The following UROD variants were observed in gnomAD, a reference collection of about 807,000 sequenced individuals.
The protein encoded by UROD is uroporphyrinogen III decarboxylase.
In UROD, 34 loss-of-function variants were observed where a neutral mutation model predicts 47.1. The observed-to-expected ratio is 0.72, with a 90% CI of 0.55 to 0.96. The LOEUF (loss-of-function observed/expected upper bound fraction) is 0.96. UROD is among the 40% of genes least tolerant of loss of function. UROD has a pLI of 0.00. For synonymous variants in UROD, 148 were observed against 175.8 expected, an observed-to-expected ratio of 0.84 and a Z score of 1.25; for missense variants, 381 against 471.8, an observed-to-expected ratio of 0.81 and a Z score of 1.78.
At chr1:45,012,433 T>C in intron 1 of UROD, 148 bp downstream of exon 1, 2 of 1,192,572 alleles carry the variant, frequency 1.7e-6, no homozygotes, top group Non-Finnish European at 2.5e-6. Flanking sequence ...CCTAAAACCA[T>C]GGATTTTTGA....
intron 7 of UROD, 72 bp downstream of exon 7, chr1:45,014,648 T>G: frequency 1.2e-6 from 2 of 1,613,576 alleles, no homozygotes; most frequent in Non-Finnish European, 1.7e-6. Flanking sequence ...TGGACTGGAG[T>G]GACCACTGGA....
rs1644833892 is a variant in UROD at position 45,014,649 on chromosome 1, G to T, written c.774+73G>T. The T allele has an allele frequency of 9.3e-6, 15 of 1,613,484 alleles. No homozygotes were observed. The South Asian group carries it at 1.6e-4, about 18-fold the overall frequency. ...GGCTAAGTCCTGCATGGACTGGAGT[G>T]ACCACTGGAGGGCAGCAGAAGTACA... On this transcript the variant is annotated intron_variant, in intron 7 of 9. Coordinates refer to ENST00000246337, the MANE Select transcript of UROD (RefSeq NM_000374.5).
Position 45,013,598 on chromosome 1 carries a change from T to G in UROD, c.281T>G (p.Leu94Arg). The change falls in exon 5 of 10, where the codon CTG becomes CGG. Residue 94 changes from leucine to arginine, a missense_variant. Leu to Arg is a moderately radical substitution (Grantham distance 102). Coordinates refer to ENST00000246337, the MANE Select transcript of UROD (RefSeq NM_000374.5). The surrounding 1 kb of genome is among the most constrained non-coding windows in gnomAD (Gnocchi z 4.2). Reference protein sequence around the residue: ...FSDILVVPQALGMEVTMVPGK... With the variant: ...FSDILVVPQARGMEVTMVPGK... ...AGATGTTTTCTCCCCCTCCAGGCAC[T>G]GGGCATGGAGGTGACCATGGTACCT... 1.2e-6 allele frequency: 2 copies of G among 1,614,124 alleles called. No individual in the cohort carries two copies. Among genetic ancestry groups the G allele is most frequent in the Non-Finnish European group, 1.7e-6 (2 of 1,180,010 alleles).
chr1:45,015,121 C>T (rs1644839177), intron 9 of UROD, 115 bp downstream of exon 9: 3 of 1,539,118 alleles, frequency 1.9e-6, no homozygotes, highest in South Asian at 2.3e-5. Context: ...CTACTCTGTA[C>T]AACATAAGCC....
chr1:45,012,575 G>A (rs1644810376), intron 1 of UROD: 9 of 617,234 alleles, frequency 1.5e-5, no homozygotes, highest in South Asian at 1.4e-4. Flanking sequence ...AACCAGCCCA[G>A]TGACATTCCC....
chr1:45,012,789 A>G (rs926570600), intron 1 of UROD, 118 bp from the exon 2 acceptor site: 8 of 1,547,334 alleles, frequency 5.2e-6, no homozygotes, highest in Admixed American at 3.9e-5. Context: ...AGGGTTTGGG[A>G]GCTGGCCTGG....
intron 9 of UROD, 75 bp from the exon 10 acceptor site, chr1:45,015,262 G>T: frequency 3.2e-6 from 5 of 1,581,390 alleles, no homozygotes; most frequent in Non-Finnish European, 4.3e-6. Flanking sequence ...CTACATATGC[G>T]TTTGTCACTA....
intron 9 of UROD, 151 bp downstream of exon 9, chr1:45,015,157 T>C (rs13948): frequency 0.25 from 362,715 of 1,437,164 alleles, 47,548 homozygotes; most frequent in Admixed American, 0.36. Context: ...TTTTTGTTGC[T>C]GTTGTTCATT....
chr1:45,014,803 G>A lies in UROD; in HGVS notation c.842G>A (p.Gly281Glu), dbSNP rs121918057. ...ELAQAGYEVV[G>E]LDWTVAPKKA... ...GCCCAAGCTGGCTATGAGGTGGTTG[G>A]GCTTGACTGGACAGTGGCCCCAAAG... The change falls in exon 8 of 10, where the codon GGG becomes GAG. Residue 281 changes from glycine to glutamate, a missense_variant. By Grantham distance (98) the Gly-to-Glu change is moderately conservative. Transcript: ENST00000246337. 7 of 1,614,116 alleles carry A rather than the reference G, an allele frequency of 4.3e-6. No homozygotes were observed. The Admixed American group carries it at 8.3e-5, about 19-fold the overall frequency.
At position 45,015,019 on chromosome 1, in the gene UROD, G is replaced by T. The variant is rs1644837904; in HGVS notation, c.942+13G>T. On this transcript the variant is annotated intron_variant, in intron 9 of 9. Coordinates refer to ENST00000246337, the MANE Select transcript of UROD (RefSeq NM_000374.5). ...GTATGCATCTGAGGTAACAGCCAGG[G>T]CCCCTCTGTGTGTCTGTTACTGTGC... is the stretch of plus-strand genomic sequence containing the variant. The T allele has an allele frequency of 3.1e-6, 5 of 1,613,088 alleles. No homozygotes were observed. The highest frequency in any genetic ancestry group is 4.2e-6 in the Non-Finnish European group (5 of 1,180,016).
At chr1:45,012,505 T>A (rs1476117945) in intron 1 of UROD, among the ~76,000 whole-genome samples, 2 of 152,190 alleles carry the variant, frequency 1.3e-5, no homozygotes, top group African/African-American at 2.4e-5. Context: ...GGATCTCTAT[T>A]CTGGGACCAT....
At position 45,015,000 on chromosome 1, in the gene UROD, A is replaced by G. The variant is rs377421102; in HGVS notation, c.936A>G (p.Ala312=). The change falls in exon 9 of 10, where the codon GCA becomes GCG. Residue 312 remains alanine (A), a synonymous_variant. Transcript: ENST00000246337. ...QGNLDPCALY[A]SEEEIGQLVK... is the part of the protein sequence containing the mutation. ...ACCTGGACCCCTGTGCCTTGTATGC[A>G]TCTGAGGTAACAGCCAGGGCCCCTC... The G allele has an allele frequency of 1.2e-6, 2 of 1,613,592 alleles. No individual in the cohort carries two copies. Among genetic ancestry groups the G allele is most frequent in the African/African-American group, 1.3e-5 (1 of 74,900 alleles).
At chr1:45,012,799 G>A in intron 1 of UROD, 108 bp from the exon 2 acceptor site, 4 of 1,555,998 alleles carry the variant, frequency 2.6e-6, no homozygotes, top group Non-Finnish European at 3.5e-6. Flanking sequence ...AGCTGGCCTG[G>A]AGGAGGTAGA....
rs775210041 is a variant in UROD, at chr1:45,012,895, C to T, written c.21-12C>T. 1.2e-6 allele frequency: 2 copies of T among 1,613,584 alleles called. No homozygotes were observed. Among genetic ancestry groups the T allele is most frequent in the Non-Finnish European group, 8.5e-7 (1 of 1,179,794 alleles). ...ATACTGACACCTACCCCCACCCCCA[C>T]CTGATCGCCAGACCTCAGGGTTTTC... On this transcript the variant is annotated splice_polypyrimidine_tract_variant and intron_variant, in intron 1 of 9. Transcript: ENST00000246337.
rs1644826360 is a variant in UROD, at chr1:45,013,872, C to T, written c.475-37C>T. On this transcript the variant is annotated intron_variant, in intron 5 of 9. Coordinates refer to ENST00000246337, the MANE Select transcript of UROD (RefSeq NM_000374.5). The surrounding 1 kb of genome is among the most constrained non-coding windows in gnomAD (Gnocchi z 4.2). ...GGGGTAGACAAAAGGAAGGGTCAGT[C>T]TGGCTTCTGTGACACCATCTTTCTA... The T allele has an allele frequency of 6.2e-7, 1 of 1,614,242 alleles. No individual in the cohort carries two copies. The highest frequency in any genetic ancestry group is 8.5e-7 in the Non-Finnish European group (1 of 1,180,048).
rs1289212476 is a variant in UROD at position 45,015,519 on chromosome 1, G to A, written c.*21G>A. The A allele has an allele frequency of 1.9e-6, 3 of 1,614,044 alleles. No individual in the cohort carries two copies. The highest frequency in any genetic ancestry group is 1.3e-5 in the African/African-American group (1 of 74,926). On this transcript the variant is annotated 3_prime_UTR_variant, in exon 10 of 10. Coordinates refer to ENST00000246337, the MANE Select transcript of UROD (RefSeq NM_000374.5). ...ACTGAGTGTATACCTTTACCCTCAA[G>A]TACCACTAACACAGATGATTGATCG...
rs1304668170 is a variant in UROD at position 45,013,494 on chromosome 1, CAG to C, written c.277-97_277-96del. On this transcript the variant is annotated intron_variant, in intron 4 of 9. Coordinates refer to ENST00000246337, the MANE Select transcript of UROD (RefSeq NM_000374.5). This position sits in a 1 kb window ranked among gnomAD's most constrained non-coding sequence, Gnocchi z 4.2. ...TAAGGTTGAAAGAAATGGAGTTTGGCAGAGTTTTATTCTCCTTTTCCTTCCTC... is the reference window on the plus strand; with the variant it reads ...TAAGGTTGAAAGAAATGGAGTTTGGCAGTTTTATTCTCCTTTTCCTTCCTC... 6.2e-6 allele frequency: 10 copies of C among 1,602,856 alleles called. No individual in the cohort carries two copies. The highest frequency in any genetic ancestry group is 4.0e-5 in the African/African-American group (3 of 74,706).
At chr1:45,014,408 T>TA in intron 6 of UROD, 31 bp from the exon 7 acceptor site, 1 of 1,613,940 alleles carries the variant, frequency 6.2e-7, no homozygotes, top group Non-Finnish European at 8.5e-7. Flanking sequence ...CTTTGTGTGT[T>TA]ACATATTTTT....
At position 45,012,995 on chromosome 1, in the gene UROD, C is replaced by G; in HGVS notation, c.109C>G (p.Arg37Gly). The change falls in exon 2 of 10, where the codon CGC (arginine) becomes GGC (glycine). Residue 37 changes from arginine to glycine, a missense_variant. Transcript: ENST00000246337. ...AGACTACACTCCCGTTTGGTGCATG[C>G]GCCAGGCAGGCCGTTACTTACCAGG... is the stretch of plus-strand genomic sequence containing the variant. ...ETDYTPVWCM[R>G]QAGRYLPEFR... 6.2e-7 allele frequency: 1 copy of G among 1,613,974 alleles called. No individual in the cohort carries two copies. The highest frequency in any genetic ancestry group is 8.5e-7 in the Non-Finnish European group (1 of 1,180,018).
Sources: gnomAD v4.1 joint callset for allele counts (sites outside exome capture counted in the v4.1 genomes callset) on GRCh38, gnomAD v4.1.1 for gene constraint, Gnocchi (gnomAD v3.1) non-coding constraint, MANE v1.5 for transcripts, NCBI Gene and HGNC (gene_info 2026-07-23, HGNC 2026-07-21) for gene names.